SNED1: variants seen among roughly 807,000 people sequenced by gnomAD.
The protein encoded by SNED1 is sushi, nidogen and EGF-like domain-containing protein 1.
Under a neutral mutation model 166.7 loss-of-function variants are expected in SNED1, and 81 were observed. The ratio of observed to expected loss-of-function variants is 0.49; its 90% CI spans 0.41 to 0.58. The LOEUF is 0.58. Ranked by LOEUF, SNED1 falls within the 20% of genes least tolerant of loss-of-function variation. The pLI, the probability that SNED1 is intolerant of heterozygous loss-of-function variation, is 0.00. For synonymous variants in SNED1, 762 were observed against 822.0 expected (o/e 0.93, Z 1.25); for missense variants, 1,604 against 2,000.2 (o/e 0.80, Z 3.78).
chr2:241,070,992 C>T (rs1412070301), intron 24 of SNED1, among the ~76,000 whole-genome samples: 1 of 152,192 alleles, frequency 6.6e-6, no homozygotes. Context: ...CCAACCCTGC[C>T]ACCCCCACCA....
intron 21 of SNED1, 39 bp from the exon 22 acceptor site, chr2:241,067,725 G>A (rs749227872): frequency 4.6e-5 from 71 of 1,557,888 alleles, no homozygotes; most frequent in Middle Eastern, 3.4e-4. Context: ...CCAGGAGCAA[G>A]GAGGGGCCGG....
intron 1 of SNED1, among the ~76,000 whole-genome samples, chr2:241,008,923 C>T (rs1365863079): frequency 6.6e-6 from 1 of 152,242 alleles, no homozygotes; most frequent in East Asian, 1.9e-4. Context: ...CAGGCACGGC[C>T]TCTTGGGCCC....
chr2:241,002,310 A>G lies in SNED1; in HGVS notation c.213+3260A>G, dbSNP rs534776667. Among the ~76,000 whole-genome samples, 6 of 152,186 alleles carry G rather than the reference A, an allele frequency of 3.9e-5. No individual in the cohort carries two copies. The East Asian group carries it at 1.2e-3, about 29-fold the overall frequency. On this transcript the variant is annotated intron_variant, in intron 1 of 31. Coordinates refer to ENST00000310397, the MANE Select transcript of SNED1 (RefSeq NM_001080437.3). ...CGCATGAGTGGATCTGGGAGCAGAC[A>G]TGTGGGGAGAAATCACTGCCATCTC...
intron 27 of SNED1, among the ~76,000 whole-genome samples, chr2:241,076,333 A>G (rs2063018289): frequency 6.6e-6 from 1 of 152,218 alleles, no homozygotes. Flanking sequence ...AAAGTTTTAT[A>G]TGGAATTCAG....
Position 241,024,202 on chromosome 2 carries a change from C to A in SNED1, c.214-6082C>A, listed in dbSNP as rs571496684. ...CAACCTTATTCATTTTCATTCAATG[C>A]ATGTCTGGTGTAGTTGTATTTCACT... On this transcript the variant is annotated intron_variant, in intron 1 of 31. Coordinates refer to ENST00000310397, the MANE Select transcript of SNED1 (RefSeq NM_001080437.3). 6.5e-5 allele frequency among the ~76,000 whole-genome samples: 9 copies of A among 138,382 alleles called. No homozygotes were observed. In the South Asian group the frequency reaches 2.2e-3, roughly 33 times the overall value. 90.8% of individuals were successfully genotyped at this position (138,382 alleles called of 152,430 possible).
At chr2:241,083,519 CCAGGTGTAATATGT>C (rs2063431950) in intron 29 of SNED1, among the ~76,000 whole-genome samples, 1 of 152,144 alleles carries the variant, frequency 6.6e-6, no homozygotes, top group Non-Finnish European at 1.5e-5. Flanking sequence ...GGACATGAAG[CCAGGTGTAATATGT>C]AGCAGGAACA....
In SNED1 at chr2:241,051,605, C is replaced by G. The variant is rs2061842614; in HGVS notation, c.1736-139C>G. On this transcript the variant is annotated intron_variant, in intron 12 of 31. Transcript: ENST00000310397. This position sits in a 1 kb window ranked among gnomAD's most constrained non-coding sequence, Gnocchi z 4.7. ...CCATGTGTGCGGACCTGCTTGGCCC[C>G]TGCTGCAGCCAGGCCCCAGGGCTTC... The G allele has an allele frequency of 3.1e-6, 2 of 652,264 alleles. No homozygotes were observed. The highest frequency in any genetic ancestry group is 5.0e-6 in the Non-Finnish European group (2 of 401,730). The allele number at this position is 652,264 out of a possible 1,614,324, so 40.4% of individuals were successfully genotyped here.
chr2:241,018,023 C>A lies in SNED1; in HGVS notation c.214-12261C>A, dbSNP rs538293505. ...TCCCGGGGACCCCCTCAGTTCCAGG[C>A]AAACCAAGGTGGTGGGTACCTTGAT... On this transcript the variant is annotated intron_variant, in intron 1 of 31. Coordinates refer to ENST00000310397, the MANE Select transcript of SNED1 (RefSeq NM_001080437.3). This position sits in a 1 kb window ranked among gnomAD's most constrained non-coding sequence, Gnocchi z 5.4. 1.2e-3 allele frequency among the ~76,000 whole-genome samples: 185 copies of A among 152,260 alleles called. 1 individual carries two copies. Among genetic ancestry groups the A allele is most frequent in the African/African-American group, 4.4e-3 (182 of 41,556 alleles).
chr2:241,000,162 A>G (rs1483337780), intron 1 of SNED1, among the ~76,000 whole-genome samples: 1 of 151,860 alleles, frequency 6.6e-6, no homozygotes, highest in Admixed American at 6.6e-5. Context: ...TCCCGTCGTC[A>G]CCATCCACAT....
intron 6 of SNED1, among the ~76,000 whole-genome samples, 168 bp downstream of exon 6, chr2:241,037,521 A>G (rs1193871749): frequency 6.6e-6 from 1 of 152,186 alleles, no homozygotes; most frequent in East Asian, 1.9e-4. Context: ...TGCCCAGGGA[A>G]AGGCCCATAT....
chr2:241,073,464 G>A lies in SNED1; in HGVS notation c.3916+100G>A, dbSNP rs2062846392. On this transcript the variant is annotated intron_variant, in intron 27 of 31. Transcript: ENST00000310397. This position sits in a 1 kb window ranked among gnomAD's most constrained non-coding sequence, Gnocchi z 6.6. ...GGGACCACCCACGGTGAGGAATCAGGAGGCACAGAGCCTACCTGAGGGGAG... is the reference window on the plus strand; with the variant it reads ...GGGACCACCCACGGTGAGGAATCAGAAGGCACAGAGCCTACCTGAGGGGAG... 3.1e-6 allele frequency: 3 copies of A among 978,716 alleles called. No homozygotes were observed. Among genetic ancestry groups the A allele is most frequent in the Admixed American group, 2.0e-5 (1 of 50,056 alleles). The allele number at this position is 978,716 out of a possible 1,614,324, so 60.6% of individuals were successfully genotyped here. A position where few individuals can be genotyped will look rare whatever the true frequency, so the allele number is the denominator to read the frequency against.
chr2:241,053,092 G>A (rs1055986592), intron 15 of SNED1, 61 bp from the exon 16 acceptor site: 28 of 1,515,218 alleles, frequency 1.8e-5, no homozygotes, highest in Non-Finnish European at 2.2e-5. Context: ...GCAGAGGCAG[G>A]GCGGTGGGGA....
chr2:241,013,061 C>T lies in SNED1; in HGVS notation c.213+14011C>T, dbSNP rs530787983. ...ATGTTAGCCAGGATGGTCTCGATCT[C>T]CTGACCTCGTGATCCGCCTGTCTCA... On this transcript the variant is annotated intron_variant, in intron 1 of 31. Transcript: ENST00000310397. This position sits in a 1 kb window ranked among gnomAD's most constrained non-coding sequence, Gnocchi z 4.6. 2.8e-4 allele frequency among the ~76,000 whole-genome samples: 42 copies of T among 152,246 alleles called. 1 individual carries two copies. The Middle Eastern group carries it at 0.014, about 49-fold the overall frequency.
intron 16 of SNED1, among the ~76,000 whole-genome samples, chr2:241,059,420 A>G (rs1286396852): frequency 6.6e-6 from 1 of 152,218 alleles, no homozygotes; most frequent in African/African-American, 2.4e-5. Context: ...CTCAATTGAT[A>G]CCCAACTTAT....
intron 21 of SNED1, 35 bp downstream of exon 21, chr2:241,065,630 C>A (rs745891699): frequency 1.2e-5 from 19 of 1,592,302 alleles, no homozygotes; most frequent in Non-Finnish European, 1.6e-5. Flanking sequence ...CCCTGCCCAG[C>A]CCCTGCCCCT....
At position 241,005,406 on chromosome 2, in the gene SNED1, G is replaced by GT. The variant is rs768548107; in HGVS notation, c.213+6358dup. On this transcript the variant is annotated intron_variant, in intron 1 of 31. Coordinates refer to ENST00000310397, the MANE Select transcript of SNED1 (RefSeq NM_001080437.3). ...TTTAGTAGAGATGAGGTTTCACCAT[G>GT]TTGGTTAGGCTGATCTGGAATTCCT... Among the ~76,000 whole-genome samples, 194 of 151,950 alleles carry GT rather than the reference G, an allele frequency of 1.3e-3. 6 individuals carry two copies. Among genetic ancestry groups the GT allele is most frequent in the Middle Eastern group, 3.4e-3 (1 of 294 alleles).
In SNED1 at chr2:241,024,237, T is replaced by TTA. The variant is rs201693056; in HGVS notation, c.214-6046_214-6045insAT. On this transcript the variant is annotated intron_variant, in intron 1 of 31. Coordinates refer to ENST00000310397, the MANE Select transcript of SNED1 (RefSeq NM_001080437.3). ...GTAGTTGTATTTCACTCTACTACCT[T>TTA]TTTTTTTTTTTTTTTTTTTTTTTTT... Among the ~76,000 whole-genome samples, 613 of 70,322 alleles carry TTA rather than the reference T, an allele frequency of 8.7e-3. 16 individuals are homozygous for TTA. The highest frequency in any genetic ancestry group is 0.036 in the African/African-American group (592 of 16,622). 46.1% of individuals were successfully genotyped at this position (70,322 alleles called of 152,430 possible). A position where few individuals can be genotyped will look rare whatever the true frequency, so the allele number is the denominator to read the frequency against.
At chr2:241,076,775 C>T (rs1044691986) in intron 27 of SNED1, among the ~76,000 whole-genome samples, 5 of 151,062 alleles carry the variant, frequency 3.3e-5, no homozygotes, top group African/African-American at 9.7e-5. Flanking sequence ...CGGGGGCTCA[C>T]GCCTGTAATC....
intron 28 of SNED1, 25 bp downstream of exon 28, chr2:241,081,818 C>T (rs770051281): frequency 3.1e-5 from 47 of 1,515,808 alleles, no homozygotes; most frequent in Non-Finnish European, 3.9e-5. Flanking sequence ...GGCCTCAGGG[C>T]GCCCCTTCCA....
Sources: allele counts gnomAD v4.1 joint callset (sites outside exome capture counted in the v4.1 genomes callset), GRCh38; gene constraint gnomAD v4.1.1; non-coding constraint Gnocchi (gnomAD v3.1); transcripts MANE v1.5; gene names NCBI Gene and HGNC (gene_info 2026-07-23, HGNC 2026-07-21).